Variants in UTS2 observed in about 807,000 individuals in gnomAD.
UTS2 encodes urotensin-2.
UTS2 carries 10 observed loss-of-function variants against 12.6 expected under a neutral mutation model. The observed-to-expected ratio is 0.80, with a 90% CI of 0.49 to 1.35. The LOEUF (loss-of-function observed/expected upper bound fraction) is 1.35. Ranked by LOEUF, UTS2 falls within the 40% of genes most tolerant of loss-of-function variation. The pLI is 0.00. For missense variants in UTS2, 142 were observed against 143.2 expected, an observed-to-expected ratio of 0.99 and a Z score of 0.04; for synonymous variants, 52 against 50.0, an observed-to-expected ratio of 1.04 and a Z score of -0.17.
the UTS2 span, among the ~76,000 whole-genome samples, chr1:7,892,922 T>G: frequency 6.6e-6 from 1 of 152,158 alleles, no homozygotes; most frequent in African/African-American, 2.4e-5. Flanking sequence ...AGGTAAAATA[T>G]TCACAGTTTT....
At chr1:7,875,160 C>T in the UTS2 span, among the ~76,000 whole-genome samples, 1 of 151,746 alleles carries the variant, frequency 6.6e-6, no homozygotes, top group Non-Finnish European at 1.5e-5. Context: ...CTGCAAGCTC[C>T]GCCTCCCAGG....
chr1:7,869,769 A>G, the UTS2 span, among the ~76,000 whole-genome samples: 1 of 152,220 alleles, frequency 6.6e-6, no homozygotes, highest in South Asian at 2.1e-4. Context: ...TGCTCCGCTT[A>G]TTGATCTGAT....
chr1:7,855,732 C>T (rs1279231779), upstream of UTS2, among the ~76,000 whole-genome samples: 1 of 151,042 alleles, frequency 6.6e-6, no homozygotes, highest in Admixed American at 6.6e-5. Flanking sequence ...GACAGGATCT[C>T]ACTCTGTCAC....
At chr1:7,905,978 C>G in the UTS2 span, among the ~76,000 whole-genome samples, 1 of 151,124 alleles carries the variant, frequency 6.6e-6, no homozygotes, top group Non-Finnish European at 1.5e-5. Flanking sequence ...GGCTCCTTCA[C>G]AGCCAGTGGG....
chr1:7,847,912 A>G, intron 3 of UTS2, 30 bp from the exon 4 acceptor site: 2 of 1,419,628 alleles, frequency 1.4e-6, no homozygotes, highest in Non-Finnish European at 2.0e-6. Context: ...CAACAACAAC[A>G]AAAAAAAACA....
rs201000488 is a variant in UTS2, at chr1:7,850,907, G to C, written c.119C>G (p.Ala40Gly). 9 of 1,614,142 alleles carry C rather than the reference G, an allele frequency of 5.6e-6. 1 individual carries two copies. Among genetic ancestry groups the C allele is most frequent in the Non-Finnish European group, 7.6e-6 (9 of 1,180,020 alleles). Residue 40 changes from alanine to glycine, a missense_variant, in exon 2 of 4, where the codon GCG (alanine) becomes GGG (glycine). By Grantham distance (60) the Ala-to-Gly change is moderately conservative (BLOSUM62 0). Transcript: ENST00000361696. ...TTCTAGCTCCTCCGGAGTTAAGCGC[G>C]CGTCTTCATGAGGTGCTACAGAGTA... ...SFQLSAPHEDARLTPEELERA... is the reference protein window; with the variant it reads ...SFQLSAPHEDGRLTPEELERA...
At chr1:7,907,227 GC>G in the UTS2 span, among the ~76,000 whole-genome samples, 1 of 152,144 alleles carries the variant, frequency 6.6e-6, no homozygotes, top group East Asian at 1.9e-4. Flanking sequence ...CTGCACTCCA[GC>G]CTGGGTGACG....
chr1:7,905,246 C>T, the UTS2 span, among the ~76,000 whole-genome samples: 5 of 151,282 alleles, frequency 3.3e-5, no homozygotes, highest in African/African-American at 1.2e-4. Flanking sequence ...CAGGTTCAAG[C>T]AATTCTCCTG....
At chr1:7,851,010 A>T (rs2097413536) in intron 1 of UTS2, 88 bp from the exon 2 acceptor site, 2 of 1,297,584 alleles carry the variant, frequency 1.5e-6, no homozygotes, top group Non-Finnish European at 1.1e-6. Flanking sequence ...CACCAGAGAT[A>T]GGGAGATGAA....
the UTS2 span, among the ~76,000 whole-genome samples, chr1:7,890,750 A>G: frequency 6.8e-6 from 1 of 146,830 alleles, no homozygotes; most frequent in African/African-American, 2.5e-5. Context: ...AAAAAAATGA[A>G]CCAGGCATGG....
At chr1:7,866,108 T>C in the UTS2 span, among the ~76,000 whole-genome samples, 2 of 152,156 alleles carry the variant, frequency 1.3e-5, no homozygotes, top group Non-Finnish European at 2.9e-5. This position sits in a 1 kb window ranked among gnomAD's most constrained non-coding sequence, Gnocchi z 4.5. Context: ...GGAACCGTCA[T>C]GGTCGACCAC....
the UTS2 span, among the ~76,000 whole-genome samples, chr1:7,861,544 G>A: frequency 1.3e-5 from 2 of 152,222 alleles, no homozygotes; most frequent in East Asian, 1.9e-4. Context: ...GGGCGATCAC[G>A]TAACTGGGTT....
chr1:7,899,062 T>C, the UTS2 span, among the ~76,000 whole-genome samples: 2 of 152,108 alleles, frequency 1.3e-5, no homozygotes, highest in African/African-American at 2.4e-5. Context: ...ACATCTTACA[T>C]GGCCAAAACA....
the UTS2 span, among the ~76,000 whole-genome samples, chr1:7,874,358 A>G: frequency 6.6e-6 from 1 of 152,290 alleles, no homozygotes; most frequent in Admixed American, 6.5e-5. Context: ...CAGCTGCAGC[A>G]CAGCACCATT....
At chr1:7,889,442 C>CAAAAAAAAAAAAAAA in the UTS2 span, among the ~76,000 whole-genome samples, 2 of 85,400 alleles carry the variant, frequency 2.3e-5, no homozygotes, top group Admixed American at 1.5e-4. Flanking sequence ...ATCTTATCAC[C>CAAAAAAAAAAAAAAA]AAAAAAAAAA....
At chr1:7,857,825 G>A (rs181721259), upstream of UTS2, among the ~76,000 whole-genome samples, 1 of 145,858 alleles carries the variant, frequency 6.9e-6, no homozygotes, top group African/African-American at 2.5e-5. Context: ...ACTCCAGCCT[G>A]GGCAACAGAG....
At chr1:7,877,126 CAA>C in the UTS2 span, among the ~76,000 whole-genome samples, 3 of 62,814 alleles carry the variant, frequency 4.8e-5, no homozygotes, top group African/African-American at 1.3e-4. Flanking sequence ...GAGACTCTAT[CAA>C]AAAAAAAAAA....
upstream of UTS2, among the ~76,000 whole-genome samples, chr1:7,857,582 G>A (rs189596862): frequency 2.6e-5 from 4 of 152,110 alleles, no homozygotes; most frequent in East Asian, 5.8e-4. Flanking sequence ...ATGCAGCATG[G>A]TGGCTCCCAC....
chr1:7,913,167 G>A, the UTS2 span, among the ~76,000 whole-genome samples: 2 of 151,620 alleles, frequency 1.3e-5, no homozygotes, highest in African/African-American at 4.8e-5. Context: ...GAGAGATATG[G>A]GACTCTGTCC....
Sources: gnomAD v4.1 joint callset for allele counts (sites outside exome capture counted in the v4.1 genomes callset) on GRCh38, gnomAD v4.1.1 for gene constraint, Gnocchi (gnomAD v3.1) non-coding constraint, MANE v1.5 for transcripts, NCBI Gene and HGNC (gene_info 2026-07-23, HGNC 2026-07-21) for gene names.